LYST: variants seen among roughly 807,000 people sequenced by gnomAD.
The protein encoded by LYST is lysosomal-trafficking regulator.
A neutral mutation model predicts 413.6 loss-of-function variants in LYST; 192 were observed. The observed-to-expected ratio is 0.46, with a 90% CI of 0.41 to 0.52. LYST has a LOEUF of 0.52. Ranked by LOEUF, LYST falls within the 20% of genes least tolerant of loss-of-function variation. The probability of loss-of-function intolerance (pLI) is 0.00; values close to 1 mark genes in which losing one functional copy is unlikely to be tolerated. For missense variants in LYST, 3,815 were observed against 4,499.9 expected (o/e 0.85, Z 4.35); for synonymous variants, 1,525 against 1,567.3 (o/e 0.97, Z 0.64).
intron 32 of LYST, 80 bp from the exon 33 acceptor site, chr1:235,733,986 T>A: frequency 1.4e-6 from 1 of 703,298 alleles, no homozygotes; most frequent in Non-Finnish European, 2.3e-6. Flanking sequence ...AACAAACTAA[T>A]TTTAAAACCC....
At chr1:235,748,256 C>A (rs1222116714) in intron 28 of LYST, among the ~76,000 whole-genome samples, 1 of 152,062 alleles carries the variant, frequency 6.6e-6, no homozygotes, top group African/African-American at 2.4e-5. Context: ...TAAATAATAT[C>A]CTAATGCTGA....
At chr1:235,868,502 A>G (rs961801978), upstream of LYST, among the ~76,000 whole-genome samples, 1 of 152,194 alleles carries the variant, frequency 6.6e-6, no homozygotes, top group Non-Finnish European at 1.5e-5. Context: ...AGTCAAAGAA[A>G]TATTAAGTAA....
chr1:235,747,830 C>T (rs1666074534), intron 28 of LYST, among the ~76,000 whole-genome samples: 1 of 152,160 alleles, frequency 6.6e-6, no homozygotes, highest in Non-Finnish European at 1.5e-5. Flanking sequence ...TCTTTCTAAA[C>T]CTCAGTTTTC....
chr1:235,798,221 T>C (rs1049637698), intron 10 of LYST, among the ~76,000 whole-genome samples: 8 of 152,152 alleles, frequency 5.3e-5, no homozygotes, highest in African/African-American at 1.9e-4. Context: ...CTAACTATTA[T>C]GTAGTATTAT....
At chr1:235,702,072 T>C (rs1269559788) in intron 45 of LYST, among the ~76,000 whole-genome samples, 1 of 152,242 alleles carries the variant, frequency 6.6e-6, no homozygotes, top group African/African-American at 2.4e-5. Context: ...CCCTTACCTT[T>C]TCATTTTCTG....
chr1:235,690,060 G>A (rs926897836), intron 47 of LYST, among the ~76,000 whole-genome samples: 1 of 152,208 alleles, frequency 6.6e-6, no homozygotes, highest in African/African-American at 2.4e-5. Context: ...GTAATTAAAG[G>A]TGTAAAGAAT....
At chr1:235,820,155 C>G (rs1477967249) in intron 3 of LYST, among the ~76,000 whole-genome samples, 3 of 152,196 alleles carry the variant, frequency 2.0e-5, no homozygotes. Flanking sequence ...ATTGCCTAAC[C>G]TAGCCATTCA....
chr1:235,751,743 T>C (rs1370661970), intron 27 of LYST, among the ~76,000 whole-genome samples: 2 of 152,180 alleles, frequency 1.3e-5, no homozygotes, highest in Non-Finnish European at 2.9e-5. Flanking sequence ...CATACACTTT[T>C]AAATTCTACT....
intron 48 of LYST, among the ~76,000 whole-genome samples, chr1:235,679,195 A>C (rs975507810): frequency 3.3e-5 from 5 of 152,206 alleles, no homozygotes; most frequent in Non-Finnish European, 5.9e-5. Flanking sequence ...AACAACAGCA[A>C]GAGTAGTAAG....
intron 50 of LYST, among the ~76,000 whole-genome samples, chr1:235,675,357 G>C (rs1659295328): frequency 6.6e-6 from 1 of 152,192 alleles, no homozygotes; most frequent in Admixed American, 6.5e-5. Flanking sequence ...AATTGAGTTA[G>C]TTAGATTGTG....
chr1:235,807,700 T>A (rs1673022082), intron 5 of LYST, among the ~76,000 whole-genome samples: 2 of 152,316 alleles, frequency 1.3e-5, no homozygotes, highest in Non-Finnish European at 1.5e-5. Context: ...GTTTATAAAA[T>A]TATTTTTAAA....
intron 34 of LYST, 143 bp downstream of exon 34, chr1:235,733,360 G>GA (rs954213928): frequency 1.5e-4 from 108 of 730,646 alleles, no homozygotes; most frequent in Middle Eastern, 3.3e-4. Flanking sequence ...TCTTTAAGAT[G>GA]AAAAAAACAT....
chr1:235,819,689 C>T (rs1177394420), intron 3 of LYST, among the ~76,000 whole-genome samples: 1 of 152,220 alleles, frequency 6.6e-6, no homozygotes, highest in Non-Finnish European at 1.5e-5. Flanking sequence ...CTCTGCCACC[C>T]AGCTGGAGTG....
chr1:235,718,064 A>G (rs956860528), intron 40 of LYST, among the ~76,000 whole-genome samples: 3 of 151,488 alleles, frequency 2.0e-5, no homozygotes, highest in Non-Finnish European at 4.4e-5. Flanking sequence ...GGGTTTCTCC[A>G]TGTTGGCCAC....
At chr1:235,729,219 CA>C (rs1664154268) in intron 37 of LYST, among the ~76,000 whole-genome samples, 4 of 152,020 alleles carry the variant, frequency 2.6e-5, no homozygotes. Context: ...AAATTATGGA[CA>C]ATCTTAAAAT....
chr1:235,753,221 A>G lies in LYST; in HGVS notation c.7283T>C (p.Ile2428Thr). ...NMGLFQKWSV[I>T]PILGLIETSL... ...GGTCTCTATTAGTCCCAGAATAGGA[A>G]TGACAGACCACTTCTGAAACAATCC... Residue 2428 changes from isoleucine (I) to threonine (T), a missense_variant, in exon 26 of 53, where the codon ATT becomes ACT. By Grantham distance (89) the Ile-to-Thr change is moderately conservative. This residue lies in a region of LYST where 771 missense variants were observed against 837.1 expected (regional missense o/e 0.92). Coordinates refer to ENST00000389793, the MANE Select transcript of LYST (RefSeq NM_000081.4). 6.2e-7 allele frequency: 1 copy of G among 1,610,834 alleles called. No homozygotes were observed. The highest frequency in any genetic ancestry group is 8.5e-7 in the Non-Finnish European group (1 of 1,177,248).
Position 235,709,160 on chromosome 1 carries a change from A to G in LYST, c.10074T>C (p.Ile3358=). 1 of 1,614,148 alleles carries G rather than the reference A, an allele frequency of 6.2e-7. No individual in the cohort carries two copies. The highest frequency in any genetic ancestry group is 8.5e-7 in the Non-Finnish European group (1 of 1,180,008). The part of the protein sequence containing the change: ...DYVSQNICQW[I]DLVFGYKQKG... ...TTTGCTTATACCCAAACACCAAGTC[A>G]ATCCACTGACAGATGTTCTGCGACA... is the stretch of plus-strand genomic sequence containing the variant. Residue 3358 remains isoleucine (I), a synonymous_variant, in exon 44 of 53, where the codon ATT becomes ATC. Transcript: ENST00000389793.
At chr1:235,702,009 C>T (rs1382113946) in intron 45 of LYST, among the ~76,000 whole-genome samples, 1 of 152,166 alleles carries the variant, frequency 6.6e-6, no homozygotes, top group Non-Finnish European at 1.5e-5. Context: ...CAGATTACTG[C>T]ACTTTGAGAT....
Position 235,709,210 on chromosome 1 carries a change from G to A in LYST, c.10024C>T (p.Arg3342Trp). The A allele has an allele frequency of 3.7e-6, 6 of 1,614,088 alleles. No homozygotes were observed. Among genetic ancestry groups the A allele is most frequent in the South Asian group, 1.1e-5 (1 of 91,082 alleles). ...ACGTAGTCAGACTCTAGAGCCTGCC[G>A]ATGGATGAGGATAAAAAGACGAGGA... The part of the protein sequence containing the change: ...NDPRLFILIH[R>W]QALESDYVSQ... Residue 3342 changes from arginine to tryptophan, a missense_variant, in exon 44 of 53, where the codon CGG becomes TGG. Arg to Trp is a moderately radical substitution (Grantham distance 101). Around this residue, in one of 4 missense-constraint regions of LYST, gnomAD observed 866 missense variants for 1,156.0 expected, o/e 0.75. Transcript: ENST00000389793.
Sources: gnomAD v4.1 joint callset for allele counts (sites outside exome capture counted in the v4.1 genomes callset) on GRCh38, gnomAD v4.1.1 for gene constraint, gnomAD v4.1.1 regional missense constraint, MANE v1.5 for transcripts, NCBI Gene and HGNC (gene_info 2026-07-23, HGNC 2026-07-21) for gene names.